The following MDGA2 variants were observed in gnomAD, a reference collection of about 807,000 sequenced individuals.
MDGA2 encodes the protein MAM domain-containing glycosylphosphatidylinositol anchor protein 2.
In MDGA2, 40 loss-of-function variants were observed where a neutral mutation model predicts 117.8. That is an observed-to-expected ratio of 0.34 (90% CI 0.26 to 0.44). The LOEUF (loss-of-function observed/expected upper bound fraction) is 0.44. Ranked by LOEUF, MDGA2 falls within the 20% of genes least tolerant of loss-of-function variation. The pLI is 1.00. For missense variants in MDGA2, 1,123 were observed against 1,250.6 expected, an observed-to-expected ratio of 0.90 and a Z score of 1.54; for synonymous variants, 452 against 439.0, an observed-to-expected ratio of 1.03 and a Z score of -0.37.
At chr14:46,976,816 CAGAT>C (rs558402552) in intron 8 of MDGA2, among the ~76,000 whole-genome samples, 17 of 151,918 alleles carry the variant, frequency 1.1e-4, no homozygotes, top group African/African-American at 3.4e-4. Context: ...TATAATCTCA[CAGAT>C]AGAAAGGAAC....
intron 1 of MDGA2, among the ~76,000 whole-genome samples, chr14:47,479,884 G>A (rs1481296574): frequency 6.6e-6 from 1 of 151,984 alleles, no homozygotes. Flanking sequence ...ACCGCTTCCA[G>A]TTCCTACAAT....
intron 1 of MDGA2, among the ~76,000 whole-genome samples, chr14:47,475,585 T>C (rs2138624083): frequency 1.3e-5 from 2 of 152,268 alleles, no homozygotes; most frequent in African/African-American, 4.8e-5. Context: ...CAAAAGCCCA[T>C]CAATGATAGA....
intron 1 of MDGA2, among the ~76,000 whole-genome samples, chr14:47,490,217 G>A (rs1446501659): frequency 6.6e-6 from 1 of 151,982 alleles, no homozygotes; most frequent in African/African-American, 2.4e-5. Flanking sequence ...TTGCATTCTA[G>A]TTTTCTGTGC....
At chr14:47,360,178 C>A (rs1165607679) in intron 1 of MDGA2, among the ~76,000 whole-genome samples, 1 of 151,678 alleles carries the variant, frequency 6.6e-6, no homozygotes, top group Non-Finnish European at 1.5e-5. Context: ...ATGGAGAAAC[C>A]CCATCTCTAC....
At chr14:46,915,640 T>C (rs529557470) in intron 10 of MDGA2, among the ~76,000 whole-genome samples, 2 of 152,034 alleles carry the variant, frequency 1.3e-5, no homozygotes, top group Non-Finnish European at 2.9e-5. Flanking sequence ...GAGAAAAGCA[T>C]CAAAATCAAT....
At chr14:47,019,151 C>CA (rs943321888) in intron 8 of MDGA2, among the ~76,000 whole-genome samples, 11 of 151,774 alleles carry the variant, frequency 7.2e-5, no homozygotes, top group African/African-American at 2.7e-4. Context: ...TGATTAAAGT[C>CA]AAAAAATATG....
chr14:47,536,860 T>C (rs186730597), intron 1 of MDGA2, among the ~76,000 whole-genome samples: 8 of 152,338 alleles, frequency 5.3e-5, no homozygotes, highest in African/African-American at 1.9e-4. Context: ...GCTAAGCATA[T>C]ATATTCCATA....
intron 9 of MDGA2, among the ~76,000 whole-genome samples, chr14:46,949,031 G>GTTTTGTTTTTAA (rs1196658249): frequency 1.3e-5 from 2 of 151,948 alleles, no homozygotes; most frequent in Non-Finnish European, 1.5e-5. Context: ...ATTTTTCTAT[G>GTTTTGTTTTTAA]ATCATACTGC....
chr14:47,335,747 T>TATATATATATATATATATACAC lies in MDGA2; in HGVS notation c.281-34198_281-34197insGTGTATATATATATATATATAT, dbSNP rs1055245438. Among the ~76,000 whole-genome samples the TATATATATATATATATATACAC allele has an allele frequency of 1.6e-3, 111 of 68,622 alleles. 5 individuals are homozygous for TATATATATATATATATATACAC. The highest frequency in any genetic ancestry group is 1.4e-3 in the African/African-American group (33 of 22,846). 45.0% of individuals were successfully genotyped at this position (68,622 alleles called of 152,430 possible). On this transcript the variant is annotated intron_variant, in intron 1 of 16. Transcript: ENST00000399232. Reference sequence around the variant, plus strand: ...CACACATATATTTTATATATATATATACATACATACATACAGGATCACTCT... The same window carrying TATATATATATATATATATACAC: ...CACACATATATTTTATATATATATATATATATATATATATATATACACACATACATACATACAGGATCACTCT...
At chr14:47,492,524 G>C (rs751620363) in intron 1 of MDGA2, among the ~76,000 whole-genome samples, 2 of 151,860 alleles carry the variant, frequency 1.3e-5, no homozygotes, top group Non-Finnish European at 2.9e-5. Flanking sequence ...TTATGATTCA[G>C]GACAGAAAAT....
intron 1 of MDGA2, among the ~76,000 whole-genome samples, chr14:47,648,122 A>G (rs975310643): frequency 2.0e-5 from 3 of 152,242 alleles, no homozygotes; most frequent in East Asian, 1.9e-4. Context: ...GAATCTTCCA[A>G]TGGTTTGCCT....
chr14:47,189,819 G>T (rs1885044933), intron 3 of MDGA2, among the ~76,000 whole-genome samples: 1 of 152,124 alleles, frequency 6.6e-6, no homozygotes, highest in African/African-American at 2.4e-5. Flanking sequence ...GTAGGAGATG[G>T]ACTTAATATA....
At chr14:47,485,039 C>T (rs1894030656) in intron 1 of MDGA2, among the ~76,000 whole-genome samples, 2 of 152,034 alleles carry the variant, frequency 1.3e-5, no homozygotes, top group Admixed American at 6.6e-5. Context: ...GAAAAGACAT[C>T]CAAAAATGTG....
At chr14:47,605,933 C>T (rs1171258227) in intron 1 of MDGA2, among the ~76,000 whole-genome samples, 1 of 152,040 alleles carries the variant, frequency 6.6e-6, no homozygotes, top group Non-Finnish European at 1.5e-5. Context: ...CACAAAGGGC[C>T]ATCTCCTGGT....
chr14:47,513,176 G>C (rs974608246), intron 1 of MDGA2, among the ~76,000 whole-genome samples: 2 of 152,042 alleles, frequency 1.3e-5, no homozygotes, highest in African/African-American at 4.8e-5. Context: ...CATGATGAAA[G>C]AAAGCATCAC....
intron 3 of MDGA2, among the ~76,000 whole-genome samples, chr14:47,210,822 C>A (rs528570257): frequency 6.6e-6 from 1 of 152,134 alleles, no homozygotes; most frequent in South Asian, 2.1e-4. Context: ...CATTTGAGAC[C>A]AGCTTGAGCA....
intron 1 of MDGA2, among the ~76,000 whole-genome samples, chr14:47,390,925 G>A (rs1051934954): frequency 2.0e-5 from 3 of 151,954 alleles, no homozygotes; most frequent in African/African-American, 7.3e-5. Flanking sequence ...ATTTTTCAAG[G>A]TCTGGTCTCT....
chr14:47,549,656 A>T (rs1248523083), intron 1 of MDGA2, among the ~76,000 whole-genome samples: 1 of 152,124 alleles, frequency 6.6e-6, no homozygotes, highest in Non-Finnish European at 1.5e-5. Flanking sequence ...GATATGGCCT[A>T]TAAGAATGTA....
At chr14:47,205,374 TGGG>T (rs1214828491) in intron 3 of MDGA2, among the ~76,000 whole-genome samples, 1 of 152,038 alleles carries the variant, frequency 6.6e-6, no homozygotes, top group Non-Finnish European at 1.5e-5. Context: ...AATTTATTAT[TGGG>T]TAGATAATAT....
Sources: allele counts gnomAD v4.1 joint callset (sites outside exome capture counted in the v4.1 genomes callset), GRCh38; gene constraint gnomAD v4.1.1; transcripts MANE v1.5; gene names NCBI Gene and HGNC (gene_info 2026-07-23, HGNC 2026-07-21).